Variants in SYNE1 observed in about 807,000 individuals in gnomAD.
SYNE1 encodes the protein spectrin repeat containing nuclear envelope protein 1, also known as nesprin-1.
A neutral mutation model predicts 1,111.0 loss-of-function variants in SYNE1; 616 were observed. That is an observed-to-expected ratio of 0.55 (90% CI 0.52 to 0.59). The LOEUF is 0.59. SYNE1 is among the 20% of genes least tolerant of loss of function. SYNE1 has a pLI of 0.00. For synonymous variants in SYNE1, 3,855 were observed against 3,825.8 expected, an observed-to-expected ratio of 1.01 and a Z score of -0.28; for missense variants, 10,006 against 10,417.0, an observed-to-expected ratio of 0.96 and a Z score of 1.72.
chr6:152,455,677 G>GAA, intron 23 of SYNE1, 87 bp from the exon 24 acceptor site: 1 of 1,561,760 alleles, frequency 6.4e-7, no homozygotes. Flanking sequence ...CATTTAAAAA[G>GAA]CACTTGGAAA....
intron 130 of SYNE1, among the ~76,000 whole-genome samples, chr6:152,171,090 C>G (rs2065093041): frequency 6.6e-6 from 1 of 152,194 alleles, no homozygotes; most frequent in Non-Finnish European, 1.5e-5. Context: ...GTCCATTAAA[C>G]ATGTTTTTCT....
intron 131 of SYNE1, 35 bp downstream of exon 131, chr6:152,164,128 T>C (rs765972065): frequency 6.2e-6 from 10 of 1,613,548 alleles, no homozygotes. Context: ...AGATATTCCA[T>C]GGCTTATTAA....
chr6:152,178,963 G>C (rs2067185941), intron 129 of SYNE1, among the ~76,000 whole-genome samples: 3 of 146,528 alleles, frequency 2.0e-5, no homozygotes, highest in South Asian at 4.3e-4. Flanking sequence ...ACCCAGGCTG[G>C]AGTGCAGTGG....
In SYNE1 at chr6:152,154,940, A is replaced by G. The variant is rs1351463610; in HGVS notation, c.24081T>C (p.Ser8027=). ...TGGCAACTGTATAGATCACCCCAGAAGAGCTGGGAAAAGCAGCTGTCCTTT... is the reference window on the plus strand; with the variant it reads ...TGGCAACTGTATAGATCACCCCAGAGGAGCTGGGAAAAGCAGCTGTCCTTT... ...SSERTAAFPS[S]SGVIYTVAKE... Residue 8027 remains serine (S), a synonymous_variant, in exon 133 of 146, where the codon TCT becomes TCC. Transcript: ENST00000367255. The G allele has an allele frequency of 1.9e-6, 3 of 1,614,222 alleles. No individual in the cohort carries two copies. Among genetic ancestry groups the G allele is most frequent in the Non-Finnish European group, 2.5e-6 (3 of 1,180,044 alleles).
intron 39 of SYNE1, among the ~76,000 whole-genome samples, chr6:152,421,671 T>A (rs547593807): frequency 1.2e-4 from 17 of 145,398 alleles, no homozygotes; most frequent in Admixed American, 2.8e-4. Flanking sequence ...ATTTTCCTTA[T>A]TTTATTTATT....
chr6:152,602,968 C>G (rs1273169651), intron 3 of SYNE1, among the ~76,000 whole-genome samples: 1 of 151,974 alleles, frequency 6.6e-6, no homozygotes, highest in Admixed American at 6.6e-5. Context: ...CAAGCCATAC[C>G]CATAAAATGA....
At chr6:152,196,116 G>A (rs2153294409) in intron 127 of SYNE1, among the ~76,000 whole-genome samples, 1 of 152,224 alleles carries the variant, frequency 6.6e-6, no homozygotes, top group East Asian at 1.9e-4. Flanking sequence ...TAGGCCCAAG[G>A]GCTCTTCAAC....
intron 145 of SYNE1, chr6:152,127,805 T>C (rs1046804421): frequency 3.9e-5 from 6 of 152,222 alleles, no homozygotes; most frequent in Admixed American, 6.5e-5. Context: ...GTAGTGTTTA[T>C]AGTGAGGCCC....
intron 6 of SYNE1, among the ~76,000 whole-genome samples, chr6:152,516,856 G>T (rs1305323214): frequency 6.6e-6 from 1 of 152,144 alleles, no homozygotes; most frequent in Admixed American, 6.6e-5. Flanking sequence ...AAAGTGCTGG[G>T]ATTAGAGGTG....
chr6:152,362,623 T>G (rs566758601), intron 63 of SYNE1, among the ~76,000 whole-genome samples: 77 of 152,140 alleles, frequency 5.1e-4, no homozygotes, highest in African/African-American at 1.8e-3. Flanking sequence ...AAGGCAAAAC[T>G]GAGAGAGATC....
At position 152,231,521 on chromosome 6, in the gene SYNE1, A is replaced by T. The variant is rs2082741615; in HGVS notation, c.20909T>A (p.Val6970Glu). The change falls in exon 114 of 146, where the codon GTG becomes GAG. Residue 6970 changes from valine (V) to glutamate (E), a missense_variant. This residue lies in a region of SYNE1 where 2,182 missense variants were observed against 2,287.8 expected (regional missense o/e 0.95). Transcript: ENST00000367255. ...GCTGATTTGTAGCACGGACTGGTTC[A>T]CAAAATCCACTGTCAGCTGTTTACA... ...INCKQLTVDF[V>E]NQSVLQISSQ... is the part of the protein sequence containing the mutation. The T allele has an allele frequency of 1.2e-6, 2 of 1,614,192 alleles. No homozygotes were observed. The highest frequency in any genetic ancestry group is 4.5e-5 in the East Asian group (2 of 44,882).
At position 152,188,556 on chromosome 6, in the gene SYNE1, C is replaced by A. The variant is rs1358468410; in HGVS notation, c.23301+696G>T. ...AATATTCCCTGAACAAAACCAGCTCCACAGTATTAGCTAATGTTGCAAATA... is the reference window on the plus strand; with the variant it reads ...AATATTCCCTGAACAAAACCAGCTCAACAGTATTAGCTAATGTTGCAAATA... On this transcript the variant is annotated intron_variant, in intron 128 of 145. Coordinates refer to ENST00000367255, the MANE Select transcript of SYNE1 (RefSeq NM_182961.4). Among the ~76,000 whole-genome samples the A allele has an allele frequency of 5.3e-5, 8 of 152,244 alleles. No homozygotes were observed. The East Asian group carries it at 1.5e-3, about 29-fold the overall frequency.
chr6:152,449,478 A>G, intron 28 of SYNE1, 55 bp downstream of exon 28: 1 of 1,280,274 alleles, frequency 7.8e-7, no homozygotes, highest in Non-Finnish European at 1.1e-6. Context: ...ATTCTCTAAC[A>G]TTATTCTTCC....
chr6:152,234,898 G>C, intron 110 of SYNE1, 98 bp from the exon 111 acceptor site: 2 of 1,388,506 alleles, frequency 1.4e-6, no homozygotes, highest in Non-Finnish European at 1.0e-6. Context: ...AAAACGAGAG[G>C]TCTGAAGATT....
intron 6 of SYNE1, among the ~76,000 whole-genome samples, chr6:152,515,719 G>T (rs1435668485): frequency 6.6e-6 from 1 of 152,176 alleles, no homozygotes; most frequent in African/African-American, 2.4e-5. Flanking sequence ...TCTGCACTAT[G>T]ATGGTCAGTG....
At chr6:152,433,020 A>C (rs2098442016) in intron 34 of SYNE1, among the ~76,000 whole-genome samples, 1 of 151,892 alleles carries the variant, frequency 6.6e-6, no homozygotes, top group Non-Finnish European at 1.5e-5. Context: ...ACAGTGTGAA[A>C]TGTTCCCTCA....
chr6:152,490,697 C>G (rs1394727032), intron 11 of SYNE1, among the ~76,000 whole-genome samples: 1 of 152,156 alleles, frequency 6.6e-6, no homozygotes, highest in African/African-American at 2.4e-5. Flanking sequence ...AGCTTTATTG[C>G]TCACACAAAG....
intron 73 of SYNE1, among the ~76,000 whole-genome samples, chr6:152,346,592 C>T (rs1406388114): frequency 2.6e-5 from 4 of 152,016 alleles, no homozygotes; most frequent in South Asian, 2.1e-4. Flanking sequence ...GGGCGGATCA[C>T]GAGGTCAGGA....
At chr6:152,490,409 T>G (rs556049397) in intron 11 of SYNE1, among the ~76,000 whole-genome samples, 1 of 152,216 alleles carries the variant, frequency 6.6e-6, no homozygotes, top group South Asian at 2.1e-4. Flanking sequence ...AACCACAAAA[T>G]AAGTGAAAAT....
Sources: gnomAD v4.1 joint callset for allele counts (sites outside exome capture counted in the v4.1 genomes callset) on GRCh38, gnomAD v4.1.1 for gene constraint, gnomAD v4.1.1 regional missense constraint, MANE v1.5 for transcripts, NCBI Gene and HGNC (gene_info 2026-07-23, HGNC 2026-07-21) for gene names.